BBS10: variants seen among roughly 807,000 people sequenced by gnomAD.
BBS10 encodes Bardet-Biedl syndrome 10.
In BBS10, 13 loss-of-function variants were observed where a neutral mutation model predicts 12.7. The ratio of observed to expected loss-of-function variants is 1.03; its 90% CI spans 0.67 to 1.63. BBS10 has a LOEUF of 1.63. BBS10 is among the 40% of genes most tolerant of loss of function. The probability of loss-of-function intolerance (pLI) is 0.00; values close to 1 mark genes in which losing one functional copy is unlikely to be tolerated. For synonymous variants in BBS10, 294 were observed against 304.8 expected, an observed-to-expected ratio of 0.96 and a Z score of 0.37; for missense variants, 858 against 858.0, an observed-to-expected ratio of 1.00 and a Z score of 0.00.
At chr12:76,348,105 C>A in intron 1 of BBS10, 57 bp downstream of exon 1, 1 of 1,548,114 alleles carries the variant, frequency 6.5e-7, no homozygotes, top group Non-Finnish European at 8.8e-7. Context: ...GGGACAAGAG[C>A]TCCACAGAGG....
At position 76,346,260 on chromosome 12, in the gene BBS10, TG is replaced by T. The variant is rs1057516754; in HGVS notation, c.1724del (p.Pro575GlnfsTer2). The T allele has an allele frequency of 6.2e-7, 1 of 1,612,760 alleles. No homozygotes were observed. Among genetic ancestry groups the T allele is most frequent in the Non-Finnish European group, 8.5e-7 (1 of 1,179,322 alleles). ...CCATATTCGGTAACTTACAGCTCAC[TG>T]GTAACATGCTTCCCTTTCTAGTAAT... ...TNITRKGSML[P>X]VSCKLPNMGT... is the part of the protein sequence containing the mutation. On this transcript the variant is annotated frameshift_variant, in exon 2 of 2. Coordinates refer to ENST00000650064, the MANE Select transcript of BBS10 (RefSeq NM_024685.4). LOFTEE classifies it high-confidence loss of function.
chr12:76,346,181 C>G lies in BBS10; in HGVS notation c.1804G>C (p.Val602Leu), dbSNP rs778431173. ...AACAAGATCTCAAAATTACCACCTACTGGCAAAACACAACCAGCTGGCATA... is the reference window on the plus strand; with the variant it reads ...AACAAGATCTCAAAATTACCACCTAGTGGCAAAACACAACCAGCTGGCATA... ...SSMPAGCVLP[V>L]GGNFEILLHY... is the part of the protein sequence containing the mutation. The change falls in exon 2 of 2, where the codon GTA (valine) becomes CTA (leucine). Residue 602 changes from valine to leucine, a missense_variant. Transcript: ENST00000650064. 3 of 1,611,268 alleles carry G rather than the reference C, an allele frequency of 1.9e-6. No homozygotes were observed. Among genetic ancestry groups the G allele is most frequent in the Non-Finnish European group, 2.5e-6 (3 of 1,179,222 alleles).
In BBS10 at chr12:76,347,018, C is replaced by CA; in HGVS notation, c.966dup (p.Ala323CysfsTer10). On this transcript the variant is annotated frameshift_variant, in exon 2 of 2. Coordinates refer to ENST00000650064, the MANE Select transcript of BBS10 (RefSeq NM_024685.4). LOFTEE classifies it low-confidence loss of function (END_TRUNC). Reference sequence around the variant, plus strand: ...ACCACTGATATGCCATTCACCCCTGCATAATAACTAACTAAATCTGGTTGT... The same window carrying CA: ...ACCACTGATATGCCATTCACCCCTGCAATAATAACTAACTAAATCTGGTTGT... The CA allele has an allele frequency of 6.2e-7, 1 of 1,612,634 alleles. No homozygotes were observed. Among genetic ancestry groups the CA allele is most frequent in the East Asian group, 2.2e-5 (1 of 44,878 alleles).
chr12:76,345,916 G>A lies in BBS10; in HGVS notation c.2069C>T (p.Ser690Leu). ...SVMGKYQLLT[S>L]VLQCLTKILT... ...TATTTTTGTCAAACACTGAAGAACT[G>A]AAGTTAGTAGCTGGTATTTACCCAT... is the stretch of plus-strand genomic sequence containing the variant. The change falls in exon 2 of 2, where the codon TCA becomes TTA. Residue 690 changes from serine (S) to leucine (L), a missense_variant. By Grantham distance (145) the Ser-to-Leu change is moderately radical (BLOSUM62 -2). Coordinates refer to ENST00000650064, the MANE Select transcript of BBS10 (RefSeq NM_024685.4). The A allele has an allele frequency of 6.2e-7, 1 of 1,613,986 alleles. No homozygotes were observed. The highest frequency in any genetic ancestry group is 8.5e-7 in the Non-Finnish European group (1 of 1,179,896).
In BBS10 at chr12:76,347,484, C is replaced by T; in HGVS notation, c.501G>A (p.Arg167=). The T allele has an allele frequency of 6.2e-7, 1 of 1,613,702 alleles. No individual in the cohort carries two copies. The highest frequency in any genetic ancestry group is 8.5e-7 in the Non-Finnish European group (1 of 1,179,948). The part of the protein sequence containing the change: ...FSSAKERTLC[R]SSLELLLEAY... ...CTTCTAAGAGCAACTCTAAAGAGCT[C>T]CTACACAATGTTCTCTCTTTAGCAG... The change falls in exon 2 of 2, where the codon AGG becomes AGA. Residue 167 remains arginine, a synonymous_variant. Transcript: ENST00000650064.
chr12:76,347,035 T>A lies in BBS10; in HGVS notation c.950A>T (p.Asp317Val). Residue 317 changes from aspartate (D) to valine (V), a missense_variant, in exon 2 of 2, where the codon GAT becomes GTT. Transcript: ENST00000650064. ...CACCCCTGCATAATAACTAACTAAA[T>A]CTGGTTGTTTCACACTAGATATGAG... The part of the protein sequence containing the change: ...KLLISSVKQP[D>V]LVSYYAGVNG... The A allele has an allele frequency of 6.2e-7, 1 of 1,613,022 alleles. No homozygotes were observed. The highest frequency in any genetic ancestry group is 8.5e-7 in the Non-Finnish European group (1 of 1,179,984).
Position 76,345,688 on chromosome 12 carries a change from T to C in BBS10, c.*125A>G. The C allele has an allele frequency of 3.4e-6, 3 of 872,986 alleles. No individual in the cohort carries two copies. Among genetic ancestry groups the C allele is most frequent in the Admixed American group, 2.1e-5 (1 of 47,402 alleles). 54.1% of individuals were successfully genotyped at this position (872,986 alleles called of 1,614,324 possible). ...TCTGGTGACCTTAGTGTGCTTCTTC[T>C]AAAGACTTTTAAAGTTACGCTATTT... is the stretch of plus-strand genomic sequence containing the variant. On this transcript the variant is annotated 3_prime_UTR_variant, in exon 2 of 2. Transcript: ENST00000650064.
In BBS10 at chr12:76,348,195, A is replaced by G. The variant is rs1460517643; in HGVS notation, c.164T>C (p.Leu55Pro). 1.9e-5 allele frequency: 31 copies of G among 1,613,208 alleles called. No individual in the cohort carries two copies. The highest frequency in any genetic ancestry group is 2.5e-5 in the Non-Finnish European group (29 of 1,179,432). The stretch of plus-strand genomic sequence containing the variant: ...GGGATGCTCTAAGTGTAGCGCCTCC[A>G]GGAGGCGGCCTCCATTCCGGCTGAG... ...VLLSRNGGRLLEALHLEHPIA... is the reference protein window; with the variant it reads ...VLLSRNGGRLPEALHLEHPIA... The change falls in exon 1 of 2, where the codon CTG becomes CCG. Residue 55 changes from leucine to proline, a missense_variant. Physicochemically the swap from Leu to Pro is moderately conservative, Grantham distance 98 (BLOSUM62 -3). Coordinates refer to ENST00000650064, the MANE Select transcript of BBS10 (RefSeq NM_024685.4).
rs760758205 is a variant in BBS10, at chr12:76,348,203, G to A, written c.156C>T (p.Gly52=). 2 of 1,613,388 alleles carry A rather than the reference G, an allele frequency of 1.2e-6. No individual in the cohort carries two copies. Among genetic ancestry groups the A allele is most frequent in the Non-Finnish European group, 1.7e-6 (2 of 1,179,438 alleles). The part of the protein sequence containing the change: ...TGEVLLSRNG[G]RLLEALHLEH... Reference sequence around the variant, plus strand: ...CTAAGTGTAGCGCCTCCAGGAGGCGGCCTCCATTCCGGCTGAGAAGCACCT... The same window carrying A: ...CTAAGTGTAGCGCCTCCAGGAGGCGACCTCCATTCCGGCTGAGAAGCACCT... Residue 52 remains glycine, a synonymous_variant, in exon 1 of 2, where the codon GGC becomes GGT. Coordinates refer to ENST00000650064, the MANE Select transcript of BBS10 (RefSeq NM_024685.4).
rs1440906467 is a variant in BBS10 at position 76,346,070 on chromosome 12, C to T, written c.1915G>A (p.Gly639Ser). The change falls in exon 2 of 2, where the codon GGC (glycine) becomes AGC (serine). Residue 639 changes from glycine to serine, a missense_variant. Gly to Ser is a moderately conservative substitution (Grantham distance 56, BLOSUM62 0). Transcript: ENST00000650064. ...GATTTATAAAGGACTTTGGGAATGCCTAAAAGTGCATTAGCTATTATCATA... is the reference window on the plus strand; with the variant it reads ...GATTTATAAAGGACTTTGGGAATGCTTAAAAGTGCATTAGCTATTATCATA... The part of the protein sequence containing the change: ...VSMIIANALL[G>S]IPKVLYKSKT... 3.7e-6 allele frequency: 6 copies of T among 1,613,444 alleles called. No individual in the cohort carries two copies. Among genetic ancestry groups the T allele is most frequent in the Non-Finnish European group, 4.2e-6 (5 of 1,179,894 alleles).
rs1420934523 is a variant in BBS10 at position 76,345,878 on chromosome 12, T to C, written c.2107A>G (p.Met703Val). The C allele has an allele frequency of 9.3e-6, 15 of 1,613,834 alleles. No homozygotes were observed. The highest frequency in any genetic ancestry group is 4.5e-5 in the East Asian group (2 of 44,868). The change falls in exon 2 of 2, where the codon ATG (methionine) becomes GTG (valine). Residue 703 changes from methionine (M) to valine (V), a missense_variant. By Grantham distance (21) the Met-to-Val change is conservative (BLOSUM62 1). Transcript: ENST00000650064. The stretch of plus-strand genomic sequence containing the variant: ...GGGTGTCTCTTAACAGTGATTACCA[T>C]GTCAATGGTTAATATTTTTGTCAAA... ...QCLTKILTID[M>V]VITVKRHPQK...
Position 76,345,550 on chromosome 12 carries a change from A to C in BBS10, c.*263T>G. ...AAACCCTCCCCTAAACACATAGGCT[A>C]ACACAGAGCTGAGACACAGAGGCAT... On this transcript the variant is annotated 3_prime_UTR_variant, in exon 2 of 2. Transcript: ENST00000650064. 2.3e-6 allele frequency: 1 copy of C among 437,546 alleles called. No homozygotes were observed. The highest frequency in any genetic ancestry group is 4.2e-6 in the Non-Finnish European group (1 of 235,782). The allele number at this position is 437,546 out of a possible 1,614,324, so 27.1% of individuals were successfully genotyped here. A position where few individuals can be genotyped will look rare whatever the true frequency, so the allele number is the denominator to read the frequency against.
rs1363498219 is a variant in BBS10 at position 76,346,969 on chromosome 12, A to T, written c.1016T>A (p.Val339Asp). Residue 339 changes from valine (V) to aspartate (D), a missense_variant, in exon 2 of 2, where the codon GTT becomes GAT. Coordinates refer to ENST00000650064, the MANE Select transcript of BBS10 (RefSeq NM_024685.4). ...SVVECLSSEEVSLIRRIIGLS... is the reference protein window; with the variant it reads ...SVVECLSSEEDSLIRRIIGLS... ...ACCAATGATCCTCCGGATAAGAGAA[A>T]CTTCTTCTGATGATAAACACTCAAC... 3.7e-6 allele frequency: 6 copies of T among 1,610,988 alleles called. No individual in the cohort carries two copies. Among genetic ancestry groups the T allele is most frequent in the Non-Finnish European group, 5.1e-6 (6 of 1,179,972 alleles).
intron 1 of BBS10, among the ~76,000 whole-genome samples, 174 bp from the exon 2 acceptor site, chr12:76,347,961 GGA>G (rs967169421): frequency 2.6e-5 from 4 of 152,202 alleles, no homozygotes; most frequent in Admixed American, 6.5e-5. Context: ...ACCGTTGGGT[GGA>G]GTGGGGAGAA....
In BBS10 at chr12:76,347,395, T is replaced by C. The variant is rs756632517; in HGVS notation, c.590A>G (p.Tyr197Cys). ...TTTACAAGTCATACACTTGAAAAAG[T>C]AGTCACACATCAACTGTGAAATAAA... ...HKFISQLMCDYFFKCMTCKSG... is the reference protein window; with the variant it reads ...HKFISQLMCDCFFKCMTCKSG... The change falls in exon 2 of 2, where the codon TAC becomes TGC. Residue 197 changes from tyrosine to cysteine, a missense_variant. Coordinates refer to ENST00000650064, the MANE Select transcript of BBS10 (RefSeq NM_024685.4). The C allele has an allele frequency of 8.1e-6, 13 of 1,614,068 alleles. No homozygotes were observed. Among genetic ancestry groups the C allele is most frequent in the South Asian group, 1.1e-5 (1 of 91,080 alleles).
rs752966705 is a variant in BBS10 at position 76,346,613 on chromosome 12, G to A, written c.1372C>T (p.Pro458Ser). ...TGTATTGAGCCATTACCAGGATCTG[G>A]TGCTTGATAACTTTCTCCACTGTTC... ...YKNSGESYQA[P>S]DPGNGSIQRP... The change falls in exon 2 of 2, where the codon CCA becomes TCA. Residue 458 changes from proline to serine, a missense_variant. Pro to Ser is a moderately conservative substitution (Grantham distance 74, BLOSUM62 -1). Coordinates refer to ENST00000650064, the MANE Select transcript of BBS10 (RefSeq NM_024685.4). 1 of 1,614,074 alleles carries A rather than the reference G, an allele frequency of 6.2e-7. No homozygotes were observed. The highest frequency in any genetic ancestry group is 2.2e-5 in the East Asian group (1 of 44,876).
In BBS10 at chr12:76,348,185, T is replaced by C. The variant is rs2136091515; in HGVS notation, c.174A>G (p.Leu58=). The change falls in exon 1 of 2, where the codon CTA becomes CTG. Residue 58 remains leucine (L), a synonymous_variant. Transcript: ENST00000650064. ...ACCTGGCTATGGGATGCTCTAAGTGTAGCGCCTCCAGGAGGCGGCCTCCAT... is the reference window on the plus strand; with the variant it reads ...ACCTGGCTATGGGATGCTCTAAGTGCAGCGCCTCCAGGAGGCGGCCTCCAT... The part of the protein sequence containing the change: ...SRNGGRLLEA[L]HLEHPIARMI... 6.2e-7 allele frequency: 1 copy of C among 1,612,938 alleles called. No individual in the cohort carries two copies. Among genetic ancestry groups the C allele is most frequent in the Non-Finnish European group, 8.5e-7 (1 of 1,179,188 alleles).
rs1332001541 is a variant in BBS10 at position 76,348,224 on chromosome 12, C to G, written c.135G>C (p.Val45=). 3 of 1,613,708 alleles carry G rather than the reference C, an allele frequency of 1.9e-6. No homozygotes were observed. The highest frequency in any genetic ancestry group is 2.5e-6 in the Non-Finnish European group (3 of 1,179,760). ...GGCGGCCTCCATTCCGGCTGAGAAG[C>G]ACCTCGCCAGTGGGCTTCGTACACA... ...QVLCTKPTGE[V]LLSRNGGRLL... The change falls in exon 1 of 2, where the codon GTG becomes GTC. Residue 45 remains valine (V), a synonymous_variant. Coordinates refer to ENST00000650064, the MANE Select transcript of BBS10 (RefSeq NM_024685.4).
In BBS10 at chr12:76,347,058, G is replaced by C; in HGVS notation, c.927C>G (p.Leu309=). Residue 309 remains leucine, a synonymous_variant, in exon 2 of 2, where the codon CTC becomes CTG. Transcript: ENST00000650064. ...KHLHSQNVKL[L]ISSVKQPDLV... ...AATCTGGTTGTTTCACACTAGATAT[G>C]AGCAATTTTACATTCTGACTATGTA... 1 of 1,613,230 alleles carries C rather than the reference G, an allele frequency of 6.2e-7. No homozygotes were observed. Among genetic ancestry groups the C allele is most frequent in the Non-Finnish European group, 8.5e-7 (1 of 1,179,964 alleles).
Sources: allele counts gnomAD v4.1 joint callset (sites outside exome capture counted in the v4.1 genomes callset), GRCh38; gene constraint gnomAD v4.1.1; transcripts MANE v1.5; gene names NCBI Gene and HGNC (gene_info 2026-07-23, HGNC 2026-07-21).